Variants in GLUD1 observed in about 807,000 individuals in gnomAD.
The protein encoded by GLUD1 is glutamate dehydrogenase 1.
Under a neutral mutation model 56.0 loss-of-function variants are expected in GLUD1, and 22 were observed. The observed-to-expected ratio is 0.39, with a 90% CI of 0.28 to 0.56. GLUD1 has a LOEUF of 0.56. Ranked by LOEUF, GLUD1 falls within the 20% of genes least tolerant of loss-of-function variation. The probability of loss-of-function intolerance (pLI) is 0.58; values close to 1 mark genes in which losing one functional copy is unlikely to be tolerated. For missense variants in GLUD1, 451 were observed against 732.0 expected (o/e 0.62, Z 4.43); for synonymous variants, 223 against 269.9 (o/e 0.83, Z 1.70).
intron 4 of GLUD1, among the ~76,000 whole-genome samples, chr10:87,069,371 C>T (rs9421575): frequency 0.094 from 14,235 of 151,778 alleles, 1,503 homozygotes; most frequent in East Asian, 0.59. Context: ...AAAAATTAGC[C>T]GGGCGTGGTG....
intron 1 of GLUD1, 67 bp from the exon 2 acceptor site, chr10:87,076,723 T>C (rs1339680823): frequency 2.2e-6 from 2 of 895,738 alleles, no homozygotes; most frequent in African/African-American, 3.3e-5. Flanking sequence ...TAGAACAAAC[T>C]TAAGTAAGCT....
intron 11 of GLUD1, among the ~76,000 whole-genome samples, chr10:87,055,827 T>C (rs1845756332): frequency 6.6e-6 from 1 of 152,206 alleles, no homozygotes; most frequent in African/African-American, 2.4e-5. Context: ...TAAGGAGATA[T>C]ATTGACGGCC....
intron 6 of GLUD1, 32 bp downstream of exon 6, chr10:87,062,624 A>T: frequency 6.5e-7 from 1 of 1,530,258 alleles, no homozygotes. Flanking sequence ...TCTATCAGTT[A>T]TTAAGGAAAC....
In GLUD1 at chr10:87,053,371, A is replaced by G. The variant is rs763169624; in HGVS notation, c.1528T>C (p.Leu510=). 1 of 1,612,240 alleles carries G rather than the reference A, an allele frequency of 6.2e-7. No homozygotes were observed. The highest frequency in any genetic ancestry group is 1.1e-5 in the South Asian group (1 of 91,040). Residue 510 remains leucine, a synonymous_variant, in exon 12 of 13, where the codon TTG becomes CTG. Coordinates refer to ENST00000277865, the MANE Select transcript of GLUD1 (RefSeq NM_005271.5). ...GCAGAACGCTCCATTGTGTATGCCA[A>G]GCCAGAGTGCACGATGTCTTTCTCA... ...ASEKDIVHSG[L]AYTMERSARQ...
At chr10:87,081,946 C>CAA (rs71019464) in intron 1 of GLUD1, among the ~76,000 whole-genome samples, 48 of 85,640 alleles carry the variant, frequency 5.6e-4, no homozygotes, top group African/African-American at 1.7e-3. Flanking sequence ...ATGATCAATA[C>CAA]AAAAAAAAAA....
chr10:87,086,496 G>C (rs947858775), intron 1 of GLUD1, among the ~76,000 whole-genome samples: 4 of 152,044 alleles, frequency 2.6e-5, no homozygotes, highest in Non-Finnish European at 5.9e-5. Flanking sequence ...TCTGTGCCCT[G>C]CTAGATTCAT....
intron 11 of GLUD1, among the ~76,000 whole-genome samples, chr10:87,054,855 C>A (rs12778953): frequency 0.026 from 4,031 of 152,264 alleles, 163 homozygotes; most frequent in Admixed American, 0.11. Flanking sequence ...ACAACAAGAA[C>A]TGGACCTAAG....
chr10:87,066,570 T>C, intron 5 of GLUD1, among the ~76,000 whole-genome samples: 1 of 152,176 alleles, frequency 6.6e-6, no homozygotes, highest in South Asian at 2.1e-4. Flanking sequence ...TTCCAAACAC[T>C]TGCCACTACC....
chr10:87,052,474 G>C (rs114275574), intron 12 of GLUD1, among the ~76,000 whole-genome samples: 290 of 151,880 alleles, frequency 1.9e-3, no homozygotes, highest in African/African-American at 6.7e-3. Context: ...GTGACAGAGC[G>C]AAACTCCATC....
At chr10:87,075,836 C>T in intron 3 of GLUD1, 132 bp downstream of exon 3, 2 of 714,422 alleles carry the variant, frequency 2.8e-6, no homozygotes, top group Admixed American at 3.9e-5. Flanking sequence ...ACTGCTTGAA[C>T]CCGGGAGGCG....
Position 87,078,307 on chromosome 10 carries a change from C to T in GLUD1, c.446-1651G>A, listed in dbSNP as rs187603122. Among the ~76,000 whole-genome samples, 104 of 152,288 alleles carry T rather than the reference C, an allele frequency of 6.8e-4. 1 individual carries two copies. The highest frequency in any genetic ancestry group is 1.9e-3 in the Admixed American group (29 of 15,294). ...GCAGATATCTGTATAGCTCACTCCC[C>T]CATTTCATTCAGGTCTCTGTTAAAA... is the stretch of plus-strand genomic sequence containing the variant. On this transcript the variant is annotated intron_variant, in intron 1 of 12. Coordinates refer to ENST00000277865, the MANE Select transcript of GLUD1 (RefSeq NM_005271.5).
At chr10:87,092,631 T>A (rs546875659) in intron 1 of GLUD1, 1 of 981,348 alleles carries the variant, frequency 1.0e-6, no homozygotes. Context: ...CTGCGACTTA[T>A]AAAAACAGGA....
At chr10:87,069,254 T>C (rs541741369) in intron 4 of GLUD1, among the ~76,000 whole-genome samples, 2 of 152,276 alleles carry the variant, frequency 1.3e-5, no homozygotes, top group African/African-American at 4.8e-5. Flanking sequence ...CAGTGGCGCA[T>C]GCCTGTAATC....
chr10:87,067,674 G>A (rs1471938226), intron 5 of GLUD1: 8 of 225,992 alleles, frequency 3.5e-5, no homozygotes, highest in Non-Finnish European at 7.2e-5. Flanking sequence ...CCTCTAGAAA[G>A]TCTTATTTCA....
intron 1 of GLUD1, among the ~76,000 whole-genome samples, chr10:87,079,423 C>T (rs2133834596): frequency 6.6e-6 from 1 of 150,742 alleles, no homozygotes; most frequent in South Asian, 2.1e-4. Flanking sequence ...AGCAACAGAG[C>T]CAGACCTTTC....
intron 4 of GLUD1, among the ~76,000 whole-genome samples, chr10:87,071,432 C>T (rs1358821879): frequency 6.6e-6 from 1 of 152,048 alleles, no homozygotes; most frequent in Non-Finnish European, 1.5e-5. Flanking sequence ...GGTGATCCAC[C>T]CGCCTCAGCC....
In GLUD1 at chr10:87,066,824, T is replaced by C. The variant is rs188014487; in HGVS notation, c.741+1239A>G. On this transcript the variant is annotated intron_variant, in intron 5 of 12. Transcript: ENST00000277865. The stretch of plus-strand genomic sequence containing the variant: ...TTGACTCTGTTTCTCTTCCTACTCC[T>C]GAAATGTTTCATTTTTTAAGGTTGC... Among the ~76,000 whole-genome samples, 7 of 152,362 alleles carry C rather than the reference T, an allele frequency of 4.6e-5. No individual in the cohort carries two copies. In the East Asian group the frequency reaches 1.2e-3, roughly 25 times the overall value.
rs1845964120 is a variant in GLUD1, at chr10:87,062,564, A to C, written c.921+92T>G. 5.2e-5 allele frequency: 52 copies of C among 992,964 alleles called. 1 individual carries two copies. The South Asian group carries it at 6.5e-4, about 12-fold the overall frequency. 61.5% of individuals were successfully genotyped at this position (992,964 alleles called of 1,614,324 possible). A position where few individuals can be genotyped will look rare whatever the true frequency, so the allele number is the denominator to read the frequency against. On this transcript the variant is annotated intron_variant, in intron 6 of 12. Coordinates refer to ENST00000277865, the MANE Select transcript of GLUD1 (RefSeq NM_005271.5). ...TCTAAAATTTAAGAGATTTGAGATA[A>C]CTTAATTTTAAAATTACAATTCTAA...
rs956358468 is a variant in GLUD1, at chr10:87,094,114, A to AG, written c.445+210dup. The stretch of plus-strand genomic sequence containing the variant: ...GAGGCCCGGGGTGACGGCGCGGGGG[A>AG]GGGGGCAGGCCAATCGCATGATGAT... On this transcript the variant is annotated intron_variant, in intron 1 of 12. Coordinates refer to ENST00000277865, the MANE Select transcript of GLUD1 (RefSeq NM_005271.5). This position sits in a 1 kb window ranked among gnomAD's most constrained non-coding sequence, Gnocchi z 6.6. 6.7e-7 allele frequency: 1 copy of AG among 1,494,176 alleles called. No individual in the cohort carries two copies. Among genetic ancestry groups the AG allele is most frequent in the Non-Finnish European group, 8.9e-7 (1 of 1,121,564 alleles). The allele number at this position is 1,494,176 out of a possible 1,614,324, so 92.6% of individuals were successfully genotyped here. A position where few individuals can be genotyped will look rare whatever the true frequency, so the allele number is the denominator to read the frequency against.
Sources: gnomAD v4.1 joint callset for allele counts (sites outside exome capture counted in the v4.1 genomes callset) on GRCh38, gnomAD v4.1.1 for gene constraint, Gnocchi (gnomAD v3.1) non-coding constraint, MANE v1.5 for transcripts, NCBI Gene and HGNC (gene_info 2026-07-23, HGNC 2026-07-21) for gene names.